The following LHFPL3 variants were observed in gnomAD, a reference collection of about 807,000 sequenced individuals.
LHFPL3 encodes LHFPL tetraspan subfamily member 3, also known as LHFPL tetraspan subfamily member 3 protein.
A neutral mutation model predicts 19.3 loss-of-function variants in LHFPL3; 5 were observed. The observed-to-expected ratio is 0.26, with a 90% CI of 0.14 to 0.54. The LOEUF (loss-of-function observed/expected upper bound fraction) is 0.54. Ranked by LOEUF, LHFPL3 falls within the 20% of genes least tolerant of loss-of-function variation. The pLI is 0.94. For missense variants in LHFPL3, 249 were observed against 307.4 expected (o/e 0.81, Z 1.42); for synonymous variants, 133 against 126.2 (o/e 1.05, Z -0.36).
chr7:104,840,524 G>A (rs1291123347), intron 2 of LHFPL3, among the ~76,000 whole-genome samples: 1 of 107,150 alleles, frequency 9.3e-6, no homozygotes, highest in Non-Finnish European at 1.7e-5. Flanking sequence ...GGGCCTTGTT[G>A]CCTAGGCTGG....
chr7:104,900,845 A>G (rs896402939), intron 2 of LHFPL3, among the ~76,000 whole-genome samples: 1 of 152,272 alleles, frequency 6.6e-6, no homozygotes, highest in South Asian at 2.1e-4. Flanking sequence ...CTCCGAGCCC[A>G]TGACATGTTA....
rs1791155847 is a variant in LHFPL3, at chr7:104,839,501, CTACTAGAAA to C, written c.683-66682_683-66674del. On this transcript the variant is annotated intron_variant, in intron 2 of 2. Transcript: ENST00000424859. ...GGCCAATATGGCAAAACCCCCCTCTCTACTAGAAATACAAAAAATTAACCAGGCAAGGTG... is the reference window on the plus strand; with the variant it reads ...GGCCAATATGGCAAAACCCCCCTCTCTACAAAAAATTAACCAGGCAAGGTG... Among the ~76,000 whole-genome samples the C allele has an allele frequency of 2.6e-5, 4 of 152,118 alleles. No individual in the cohort carries two copies. In the South Asian group the frequency reaches 8.3e-4, roughly 32 times the overall value.
At chr7:104,641,458 G>C (rs1001242224) in intron 1 of LHFPL3, among the ~76,000 whole-genome samples, 4 of 152,212 alleles carry the variant, frequency 2.6e-5, no homozygotes, top group Admixed American at 2.6e-4. Context: ...CCGATTGCTT[G>C]TGGAGTAATT....
chr7:104,686,977 G>A (rs1008241239), intron 1 of LHFPL3, among the ~76,000 whole-genome samples: 9 of 152,074 alleles, frequency 5.9e-5, no homozygotes, highest in Non-Finnish European at 1.5e-5. Context: ...GAACAGCATG[G>A]GGCAACTGCC....
intron 1 of LHFPL3, among the ~76,000 whole-genome samples, chr7:104,672,460 C>A (rs569531593): frequency 6.6e-6 from 1 of 151,988 alleles, no homozygotes; most frequent in Non-Finnish European, 1.5e-5. Context: ...GGAATGAATG[C>A]GTAAGTGAGT....
Position 104,471,944 on chromosome 7 carries a change from G to A in LHFPL3, c.445+142720G>A, listed in dbSNP as rs546779734. On this transcript the variant is annotated intron_variant, in intron 1 of 2. Transcript: ENST00000424859. ...TGTAAACCCAGCACTTCAGGAGGCC[G>A]AGGCAGGAGGATTGCTTGGCCCCAG... 1.8e-4 allele frequency among the ~76,000 whole-genome samples: 27 copies of A among 152,200 alleles called. No homozygotes were observed. In the East Asian group the frequency reaches 3.1e-3, roughly 17 times the overall value.
At chr7:104,403,308 G>A (rs190960452) in intron 1 of LHFPL3, among the ~76,000 whole-genome samples, 2 of 152,338 alleles carry the variant, frequency 1.3e-5, no homozygotes. Context: ...TCCTCTGGAG[G>A]CAGAGAATGC....
chr7:104,599,447 A>G (rs1790923423), intron 1 of LHFPL3, among the ~76,000 whole-genome samples: 1 of 152,198 alleles, frequency 6.6e-6, no homozygotes, highest in African/African-American at 2.4e-5. Context: ...GTGATGTCAA[A>G]TGGTCCTCGA....
At chr7:104,706,356 C>A (rs377480965) in intron 1 of LHFPL3, among the ~76,000 whole-genome samples, 37 of 152,058 alleles carry the variant, frequency 2.4e-4, no homozygotes, top group African/African-American at 8.9e-4. Context: ...TATATGGTGT[C>A]TAGCTCTGGC....
intron 1 of LHFPL3, among the ~76,000 whole-genome samples, chr7:104,607,461 A>C (rs553732782): frequency 6.6e-6 from 1 of 152,216 alleles, no homozygotes; most frequent in Non-Finnish European, 1.5e-5. Context: ...TTCAGATCAC[A>C]GTTGTTTATA....
chr7:104,694,887 A>T (rs1307910627), intron 1 of LHFPL3, among the ~76,000 whole-genome samples: 1 of 152,260 alleles, frequency 6.6e-6, no homozygotes, highest in Admixed American at 6.5e-5. Flanking sequence ...GAAGAGTGCT[A>T]CATGCAGCAC....
chr7:104,392,694 G>T (rs1004367769), intron 1 of LHFPL3, among the ~76,000 whole-genome samples: 3 of 152,090 alleles, frequency 2.0e-5, no homozygotes, highest in Admixed American at 2.0e-4. Context: ...GATGATGCTG[G>T]CCTCATAAAA....
intron 1 of LHFPL3, among the ~76,000 whole-genome samples, chr7:104,709,856 G>A (rs1315459962): frequency 1.1e-4 from 16 of 150,624 alleles, no homozygotes. Flanking sequence ...GCCGGGCAGA[G>A]GGGCTCCTCA....
At chr7:104,868,544 A>C (rs1163811772) in intron 2 of LHFPL3, among the ~76,000 whole-genome samples, 1 of 152,198 alleles carries the variant, frequency 6.6e-6, no homozygotes, top group Non-Finnish European at 1.5e-5. Flanking sequence ...CTTCAAGGAG[A>C]ACTACAAACC....
chr7:104,852,359 C>G (rs186280139), intron 2 of LHFPL3, among the ~76,000 whole-genome samples: 1 of 152,276 alleles, frequency 6.6e-6, no homozygotes, highest in East Asian at 1.9e-4. Flanking sequence ...CTGCCCCCAG[C>G]AGTGGGGATC....
chr7:104,371,772 A>G (rs1276502351), intron 1 of LHFPL3, among the ~76,000 whole-genome samples: 2 of 152,192 alleles, frequency 1.3e-5, no homozygotes, highest in Non-Finnish European at 2.9e-5. Flanking sequence ...CAATATAGGT[A>G]CATAATTTTG....
intron 2 of LHFPL3, among the ~76,000 whole-genome samples, chr7:104,875,561 C>G (rs1489207774): frequency 6.6e-6 from 1 of 152,210 alleles, no homozygotes; most frequent in Non-Finnish European, 1.5e-5. Context: ...TGATCCAGCT[C>G]CATCCAACCA....
At chr7:104,673,416 A>C (rs1792525210) in intron 1 of LHFPL3, among the ~76,000 whole-genome samples, 1 of 152,220 alleles carries the variant, frequency 6.6e-6, no homozygotes, top group Non-Finnish European at 1.5e-5. Flanking sequence ...TAATCTTATC[A>C]TTATAATGGC....
intron 1 of LHFPL3, among the ~76,000 whole-genome samples, chr7:104,499,855 G>A (rs1369987323): frequency 1.3e-5 from 2 of 152,092 alleles, no homozygotes; most frequent in African/African-American, 2.4e-5. Flanking sequence ...ATTTATTTCA[G>A]TTGTGCTTTC....
Sources: allele counts gnomAD v4.1 joint callset (sites outside exome capture counted in the v4.1 genomes callset), GRCh38; gene constraint gnomAD v4.1.1; transcripts MANE v1.5; gene names NCBI Gene and HGNC (gene_info 2026-07-23, HGNC 2026-07-21).